The following NXPH1 variants were observed in gnomAD, a reference collection of about 807,000 sequenced individuals.
The protein encoded by NXPH1 is neurexophilin 1, also known as neurexophilin-1.
In NXPH1, 5 loss-of-function variants were observed where a neutral mutation model predicts 23.7. The observed-to-expected ratio is 0.21, with a 90% CI of 0.11 to 0.44. The LOEUF (loss-of-function observed/expected upper bound fraction) is 0.44, where lower values mean the gene tolerates loss of function less well. NXPH1 is among the 20% of genes least tolerant of loss of function. NXPH1 has a pLI of 0.99. For synonymous variants in NXPH1, 144 were observed against 122.2 expected (o/e 1.18, Z -1.18); for missense variants, 324 against 321.6 (o/e 1.01, Z -0.06).
intron 2 of NXPH1, among the ~76,000 whole-genome samples, chr7:8,710,000 A>G (rs1779762111): frequency 6.6e-6 from 1 of 152,194 alleles, no homozygotes; most frequent in South Asian, 2.1e-4. Context: ...GGGGTAATCA[A>G]ATCTTATGCT....
Position 8,464,983 on chromosome 7 carries a change from A to G in NXPH1, c.54+29216A>G, listed in dbSNP as rs534870902. Among the ~76,000 whole-genome samples the G allele has an allele frequency of 3.9e-5, 6 of 152,318 alleles. No individual in the cohort carries two copies. In the South Asian group the frequency reaches 1.2e-3, roughly 32 times the overall value. ...GAAGGACCAAAATGTGCTTTGGGAA[A>G]CAAATCTGGCAGCCTAAAATAATCC... On this transcript the variant is annotated intron_variant, in intron 2 of 2. Coordinates refer to ENST00000405863, the MANE Select transcript of NXPH1 (RefSeq NM_152745.3).
At chr7:8,589,735 A>G (rs1190680235) in intron 2 of NXPH1, among the ~76,000 whole-genome samples, 1 of 152,052 alleles carries the variant, frequency 6.6e-6, no homozygotes, top group Non-Finnish European at 1.5e-5. Context: ...ATTAAAGACT[A>G]TGCTCTGGGA....
At chr7:8,480,651 C>G (rs2128609776) in intron 2 of NXPH1, among the ~76,000 whole-genome samples, 1 of 152,294 alleles carries the variant, frequency 6.6e-6, no homozygotes, top group South Asian at 2.1e-4. Flanking sequence ...TGAATAGCCT[C>G]TAAAAATGAC....
At chr7:8,509,359 C>T (rs746021888) in intron 2 of NXPH1, among the ~76,000 whole-genome samples, 6 of 152,062 alleles carry the variant, frequency 3.9e-5, no homozygotes, top group Non-Finnish European at 5.9e-5. Context: ...AGGATAAACA[C>T]CTTGCTTTGG....
At chr7:8,634,729 C>T (rs537380865) in intron 2 of NXPH1, among the ~76,000 whole-genome samples, 2 of 115,650 alleles carry the variant, frequency 1.7e-5, no homozygotes, top group Non-Finnish European at 3.3e-5. Context: ...ATGTGATTTG[C>T]TTTGAGATGG....
At position 8,434,678 on chromosome 7, in the gene NXPH1, C is replaced by T. The variant is rs891731614; in HGVS notation, c.-188C>T. The T allele has an allele frequency of 6.5e-6, 1 of 152,758 alleles. No homozygotes were observed. The highest frequency in any genetic ancestry group is 2.4e-5 in the African/African-American group (1 of 41,452). 9.5% of individuals were successfully genotyped at this position (152,758 alleles called of 1,614,324 possible). On this transcript the variant is annotated 5_prime_UTR_variant, in exon 1 of 3. It adds an upstream start codon to the 5' untranslated region. Coordinates refer to ENST00000405863, the MANE Select transcript of NXPH1 (RefSeq NM_152745.3). The surrounding 1 kb of genome is among the most constrained non-coding windows in gnomAD (Gnocchi z 7.6). ...GAGGGCACGTCCGGGGCGCTGGAGA[C>T]GCCAGGCCCGAGTAGCTTCTCCATG...
intron 2 of NXPH1, among the ~76,000 whole-genome samples, chr7:8,569,644 T>C (rs913086042): frequency 6.6e-6 from 1 of 151,888 alleles, no homozygotes; most frequent in African/African-American, 2.4e-5. Context: ...ATTACACTCA[T>C]CTCTATTTTT....
At chr7:8,666,824 C>T (rs529172058) in intron 2 of NXPH1, among the ~76,000 whole-genome samples, 1 of 151,982 alleles carries the variant, frequency 6.6e-6, no homozygotes, top group African/African-American at 2.4e-5. Flanking sequence ...TATGATTGCT[C>T]ATAATAGTCT....
intron 2 of NXPH1, among the ~76,000 whole-genome samples, chr7:8,455,494 G>A (rs1206042623): frequency 2.6e-5 from 4 of 152,172 alleles, no homozygotes; most frequent in Admixed American, 2.6e-4. Context: ...AGGGTGAAAG[G>A]TAAAGCTTTA....
At chr7:8,692,531 A>G (rs1010819275) in intron 2 of NXPH1, among the ~76,000 whole-genome samples, 3 of 152,210 alleles carry the variant, frequency 2.0e-5, no homozygotes, top group Admixed American at 1.3e-4. Context: ...CTTCCTAGGT[A>G]AGAACTCAGA....
At chr7:8,536,363 A>G (rs1017250218) in intron 2 of NXPH1, among the ~76,000 whole-genome samples, 1 of 151,966 alleles carries the variant, frequency 6.6e-6, no homozygotes, top group Non-Finnish European at 1.5e-5. Context: ...GCTTTAGAAC[A>G]TTTCTGTTTT....
At chr7:8,665,341 A>C (rs1459506346) in intron 2 of NXPH1, among the ~76,000 whole-genome samples, 1 of 151,950 alleles carries the variant, frequency 6.6e-6, no homozygotes, top group Non-Finnish European at 1.5e-5. Context: ...AGATACATGG[A>C]TTTATATCTT....
intron 2 of NXPH1, among the ~76,000 whole-genome samples, chr7:8,610,366 C>T (rs961051393): frequency 5.3e-5 from 8 of 152,106 alleles, no homozygotes; most frequent in African/African-American, 1.9e-4. Flanking sequence ...CTCCCCTTTC[C>T]TTATAATTTT....
intron 2 of NXPH1, among the ~76,000 whole-genome samples, chr7:8,573,380 C>T (rs184125097): frequency 2.0e-5 from 3 of 152,012 alleles, no homozygotes; most frequent in Non-Finnish European, 2.9e-5. Context: ...TATAAAACGA[C>T]ATGAATGGTC....
chr7:8,440,540 G>A (rs1218019448), intron 2 of NXPH1, among the ~76,000 whole-genome samples: 1 of 152,144 alleles, frequency 6.6e-6, no homozygotes, highest in South Asian at 2.1e-4. Context: ...ATATCAGGTG[G>A]CTGGGAAATT....
chr7:8,740,550 C>A (rs545965384), intron 2 of NXPH1, among the ~76,000 whole-genome samples: 1 of 152,196 alleles, frequency 6.6e-6, no homozygotes, highest in Non-Finnish European at 1.5e-5. Context: ...AGCCCATTCT[C>A]TTAGTTCCTA....
chr7:8,483,381 A>G (rs1346565004), intron 2 of NXPH1, among the ~76,000 whole-genome samples: 1 of 151,896 alleles, frequency 6.6e-6, no homozygotes, highest in Non-Finnish European at 1.5e-5. Flanking sequence ...CTCCGGCTGG[A>G]GTAGAGTGGT....
At chr7:8,455,605 AGAG>A (rs200706858) in intron 2 of NXPH1, among the ~76,000 whole-genome samples, 5,706 of 152,308 alleles carry the variant, frequency 0.037, 140 homozygotes, top group Non-Finnish European at 0.053. Context: ...TACTGTCCAG[AGAG>A]AATGTTAATT....
At chr7:8,746,067 T>C (rs955397019) in intron 2 of NXPH1, among the ~76,000 whole-genome samples, 2 of 152,214 alleles carry the variant, frequency 1.3e-5, no homozygotes, top group African/African-American at 4.8e-5. Flanking sequence ...TCCAGTAGAC[T>C]GTGAACTTCT....
Sources: allele counts gnomAD v4.1 joint callset (sites outside exome capture counted in the v4.1 genomes callset), GRCh38; gene constraint gnomAD v4.1.1; non-coding constraint Gnocchi (gnomAD v3.1); transcripts MANE v1.5; gene names NCBI Gene and HGNC (gene_info 2026-07-23, HGNC 2026-07-21).